PTPRT: variants seen among roughly 807,000 people sequenced by gnomAD.
The protein encoded by PTPRT is receptor-type tyrosine-protein phosphatase T.
A neutral mutation model predicts 176.8 loss-of-function variants in PTPRT; 56 were observed. The observed-to-expected ratio is 0.32, with a 90% confidence interval of 0.26 to 0.40. The LOEUF (loss-of-function observed/expected upper bound fraction) is 0.40. Among genes scored for constraint, PTPRT ranks in the 10% least tolerant of loss-of-function variants. The pLI is 1.00. For synonymous variants in PTPRT, 783 were observed against 739.0 expected, an observed-to-expected ratio of 1.06 and a Z score of -0.96; for missense variants, 1,540 against 1,908.2, an observed-to-expected ratio of 0.81 and a Z score of 3.60.
At chr20:42,289,608 T>TA (rs1282599395) in intron 12 of PTPRT, among the ~76,000 whole-genome samples, 1 of 152,106 alleles carries the variant, frequency 6.6e-6, no homozygotes, top group African/African-American at 2.4e-5. Flanking sequence ...TGGCTATTAT[T>TA]AAAAAGTCAA....
intron 1 of PTPRT, among the ~76,000 whole-genome samples, chr20:43,054,035 A>C (rs1374497284): frequency 6.6e-6 from 1 of 152,210 alleles, no homozygotes. Context: ...GACAAAATCA[A>C]ACTCCAGAGT....
At chr20:42,271,217 C>T (rs926643326) in intron 13 of PTPRT, among the ~76,000 whole-genome samples, 2 of 152,180 alleles carry the variant, frequency 1.3e-5, no homozygotes, top group Non-Finnish European at 2.9e-5. Context: ...CTGTCCCAAG[C>T]ATGACAACAG....
At chr20:42,463,527 A>C (rs2071056037) in intron 8 of PTPRT, among the ~76,000 whole-genome samples, 1 of 152,188 alleles carries the variant, frequency 6.6e-6, no homozygotes, top group Non-Finnish European at 1.5e-5. Flanking sequence ...TGGTAATTTA[A>C]GGAAGATTTT....
At chr20:42,675,925 C>T (rs994520781) in intron 7 of PTPRT, among the ~76,000 whole-genome samples, 3 of 152,226 alleles carry the variant, frequency 2.0e-5, no homozygotes, top group Non-Finnish European at 2.9e-5. Flanking sequence ...GCCTCATTAA[C>T]AATGATTTTT....
intron 7 of PTPRT, among the ~76,000 whole-genome samples, chr20:42,543,283 C>G (rs6065505): frequency 0.52 from 79,515 of 151,938 alleles, 21,108 homozygotes; most frequent in African/African-American, 0.6. Context: ...TATCAAGTAA[C>G]TTTATATAAT....
At chr20:42,593,799 A>C (rs1178134366) in intron 7 of PTPRT, among the ~76,000 whole-genome samples, 1 of 152,242 alleles carries the variant, frequency 6.6e-6, no homozygotes, top group African/African-American at 2.4e-5. Context: ...ATAAAGATAG[A>C]TCAAACACCA....
chr20:43,104,377 C>A (rs1178283436), intron 1 of PTPRT, among the ~76,000 whole-genome samples: 1 of 152,088 alleles, frequency 6.6e-6, no homozygotes, highest in East Asian at 1.9e-4. Flanking sequence ...AGACAACAAT[C>A]TTGGGGTATG....
intron 1 of PTPRT, among the ~76,000 whole-genome samples, chr20:42,923,742 A>C (rs1293444276): frequency 6.6e-6 from 1 of 152,216 alleles, no homozygotes; most frequent in African/African-American, 2.4e-5. Flanking sequence ...GGGCCAGTGG[A>C]TGCTTCACAA....
At chr20:42,541,893 T>C (rs2072589067) in intron 7 of PTPRT, among the ~76,000 whole-genome samples, 1 of 150,104 alleles carries the variant, frequency 6.7e-6, no homozygotes, top group Admixed American at 6.6e-5. Context: ...AACTAAGTGA[T>C]ACGGTTTGGC....
At chr20:43,002,152 C>T (rs2146131818) in intron 1 of PTPRT, among the ~76,000 whole-genome samples, 1 of 152,318 alleles carries the variant, frequency 6.6e-6, no homozygotes, top group Non-Finnish European at 1.5e-5. Context: ...AAGAAGGTGC[C>T]TGCTTTCTCT....
intron 12 of PTPRT, among the ~76,000 whole-genome samples, chr20:42,296,297 T>C (rs1427221631): frequency 6.6e-6 from 1 of 151,942 alleles, no homozygotes; most frequent in East Asian, 1.9e-4. Flanking sequence ...AATACAAATA[T>C]AAGCTGGGTG....
At chr20:42,286,445 T>A (rs1315865954) in intron 12 of PTPRT, among the ~76,000 whole-genome samples, 3 of 152,022 alleles carry the variant, frequency 2.0e-5, no homozygotes, top group Admixed American at 2.0e-4. Flanking sequence ...TACAGTCAAC[T>A]GATTTTTGAT....
At chr20:42,195,616 C>T (rs188058016) in intron 16 of PTPRT, among the ~76,000 whole-genome samples, 3 of 152,222 alleles carry the variant, frequency 2.0e-5, no homozygotes, top group East Asian at 3.9e-4. Flanking sequence ...AGAGTCCTAA[C>T]GTATTCAGTG....
intron 13 of PTPRT, among the ~76,000 whole-genome samples, chr20:42,275,437 T>C (rs1342338689): frequency 1.3e-5 from 2 of 152,174 alleles, no homozygotes; most frequent in African/African-American, 4.8e-5. Context: ...GAGTAGATAA[T>C]TCTTATTTCT....
At chr20:42,881,793 T>C (rs2145854483) in intron 2 of PTPRT, among the ~76,000 whole-genome samples, 1 of 143,336 alleles carries the variant, frequency 7.0e-6, no homozygotes, top group East Asian at 2.0e-4. Flanking sequence ...ATCAACAAAG[T>C]GAAGAATTGA....
chr20:42,413,853 A>C (rs908051226), intron 9 of PTPRT, among the ~76,000 whole-genome samples: 2 of 151,946 alleles, frequency 1.3e-5, no homozygotes, highest in Admixed American at 1.3e-4. Context: ...GAGAGTAGAG[A>C]CTTTATTTTT....
chr20:42,420,393 A>C (rs2059107426), intron 9 of PTPRT, among the ~76,000 whole-genome samples: 1 of 152,090 alleles, frequency 6.6e-6, no homozygotes, highest in Non-Finnish European at 1.5e-5. Flanking sequence ...CCACTTCCTC[A>C]ACCCCACACA....
At chr20:42,977,719 T>G (rs1319541548) in intron 1 of PTPRT, among the ~76,000 whole-genome samples, 1 of 152,234 alleles carries the variant, frequency 6.6e-6, no homozygotes, top group Non-Finnish European at 1.5e-5. Context: ...TAATTATCAT[T>G]TTTTACATCT....
At chr20:42,332,506 G>A (rs911645359) in intron 11 of PTPRT, among the ~76,000 whole-genome samples, 6 of 152,154 alleles carry the variant, frequency 3.9e-5, no homozygotes, top group East Asian at 1.9e-4. Flanking sequence ...CACTGCGCCC[G>A]GCCAGAAAAG....
Sources: gnomAD v4.1 joint callset for allele counts (sites outside exome capture counted in the v4.1 genomes callset) on GRCh38, gnomAD v4.1.1 for gene constraint, MANE v1.5 for transcripts, NCBI Gene and HGNC (gene_info 2026-07-23, HGNC 2026-07-21) for gene names.